The following RBPJ variants were observed in gnomAD, a reference collection of about 807,000 sequenced individuals.
RBPJ encodes recombining binding protein suppressor of hairless.
RBPJ carries 9 observed loss-of-function variants against 67.8 expected under a neutral mutation model. The observed-to-expected ratio is 0.13, with a 90% CI of 0.08 to 0.23. RBPJ has a LOEUF of 0.23. Ranked by LOEUF, RBPJ falls within the 10% of genes least tolerant of loss-of-function variation. RBPJ has a pLI of 1.00. For missense variants in RBPJ, 305 were observed against 595.6 expected (o/e 0.51, Z 5.08); for synonymous variants, 198 against 203.3 (o/e 0.97, Z 0.22).
intron 1 of RBPJ, among the ~76,000 whole-genome samples, chr4:26,250,276 G>C (rs201194335): frequency 6.7e-6 from 1 of 150,338 alleles, no homozygotes; most frequent in Admixed American, 6.6e-5. Flanking sequence ...ATTTCACTTA[G>C]CCTAATGTTT....
chr4:26,398,323 T>C (rs1039390419), intron 2 of RBPJ, among the ~76,000 whole-genome samples: 1 of 151,912 alleles, frequency 6.6e-6, no homozygotes, highest in Non-Finnish European at 1.5e-5. Context: ...ATCACAGAGG[T>C]GTGTAAGAGT....
rs79123753 is a variant in RBPJ, at chr4:26,325,048, G to A, written c.20+4000G>A. Among the ~76,000 whole-genome samples, 563 of 152,252 alleles carry A rather than the reference G, an allele frequency of 3.7e-3. 3 individuals carry two copies. The highest frequency in any genetic ancestry group is 0.013 in the African/African-American group (538 of 41,542). On this transcript the variant is annotated intron_variant, in intron 1 of 10. Transcript: ENST00000355476. ...CATTTGAGGAGCACTCTGTAGATAC[G>A]TATTGACTGAATGAAACCTGTTGCT...
At chr4:26,227,770 G>A (rs913593575) in intron 1 of RBPJ, among the ~76,000 whole-genome samples, 2 of 152,192 alleles carry the variant, frequency 1.3e-5, no homozygotes, top group African/African-American at 2.4e-5. Context: ...CTTGAGTCGC[G>A]GAGCGTCCGA....
chr4:26,178,966 G>A (rs1716889898), intron 1 of RBPJ, among the ~76,000 whole-genome samples: 1 of 152,098 alleles, frequency 6.6e-6, no homozygotes, highest in Non-Finnish European at 1.5e-5. Flanking sequence ...TCTTGTGGTT[G>A]GGCCTCACGT....
chr4:26,252,674 C>T (rs1442806507), intron 1 of RBPJ, among the ~76,000 whole-genome samples: 1 of 152,176 alleles, frequency 6.6e-6, no homozygotes, highest in East Asian at 1.9e-4. Flanking sequence ...GCATACGTTG[C>T]TCGAGTCTGG....
At chr4:26,212,388 A>G (rs1389801411) in intron 1 of RBPJ, among the ~76,000 whole-genome samples, 6 of 150,614 alleles carry the variant, frequency 4.0e-5, no homozygotes, top group African/African-American at 1.2e-4. Context: ...CTCAGAAAAC[A>G]GATTCTCCCT....
At chr4:26,110,406 C>G in the RBPJ span, among the ~76,000 whole-genome samples, 3 of 152,134 alleles carry the variant, frequency 2.0e-5, no homozygotes, top group Non-Finnish European at 2.9e-5. The surrounding 1 kb of genome is among the most constrained non-coding windows in gnomAD (Gnocchi z 4.5). Flanking sequence ...CTTTGGAAAA[C>G]CTCCTGCTGG....
chr4:26,333,329 C>G, intron 1 of RBPJ, among the ~76,000 whole-genome samples: 1 of 152,058 alleles, frequency 6.6e-6, no homozygotes. Flanking sequence ...ATTAAAGGTG[C>G]CAGGGAGCTA....
At position 26,430,068 on chromosome 4, in the gene RBPJ, T is replaced by A; in HGVS notation, c.1044+15T>A. ...AGAGCCTTCAGGTGAGAACGCCTAG[T>A]CCAAGTTGGCCTTCAGCTCTTTGCA... On this transcript the variant is annotated intron_variant, in intron 9 of 10. Transcript: ENST00000355476. The surrounding 1 kb of genome is among the most constrained non-coding windows in gnomAD (Gnocchi z 4.1). The A allele has an allele frequency of 6.2e-7, 1 of 1,613,900 alleles. No individual in the cohort carries two copies. Among genetic ancestry groups the A allele is most frequent in the South Asian group, 1.1e-5 (1 of 91,090 alleles).
chr4:26,287,891 T>C (rs1211885050), intron 1 of RBPJ, among the ~76,000 whole-genome samples: 1 of 152,274 alleles, frequency 6.6e-6, no homozygotes, highest in East Asian at 1.9e-4. Flanking sequence ...TTGTCATTTA[T>C]TTAAATGTCT....
chr4:26,258,412 T>C (rs1372443000), intron 1 of RBPJ, among the ~76,000 whole-genome samples: 1 of 152,224 alleles, frequency 6.6e-6, no homozygotes, highest in South Asian at 2.1e-4. Flanking sequence ...CGTGAATAGA[T>C]GTACTGGTGC....
intron 1 of RBPJ, among the ~76,000 whole-genome samples, chr4:26,200,001 G>A (rs1012158323): frequency 6.6e-6 from 1 of 152,118 alleles, no homozygotes. Flanking sequence ...GATGGAGGCC[G>A]GTGCCATCTT....
At chr4:26,223,662 G>A (rs1012768516) in intron 1 of RBPJ, among the ~76,000 whole-genome samples, 9 of 152,204 alleles carry the variant, frequency 5.9e-5, no homozygotes, top group African/African-American at 2.2e-4. Flanking sequence ...GCTCTCAGCT[G>A]AGGATTTAGG....
At chr4:26,179,003 G>T (rs1451637128) in intron 1 of RBPJ, among the ~76,000 whole-genome samples, 3 of 152,064 alleles carry the variant, frequency 2.0e-5, no homozygotes, top group Admixed American at 1.3e-4. Flanking sequence ...AGAAGCAGGG[G>T]AGCTTTCCAG....
chr4:26,135,166 A>G, the RBPJ span, among the ~76,000 whole-genome samples: 1 of 152,082 alleles, frequency 6.6e-6, no homozygotes, highest in South Asian at 2.1e-4. Flanking sequence ...AATGTGCCCC[A>G]CAGGGAGACT....
At chr4:26,151,839 G>A in the RBPJ span, among the ~76,000 whole-genome samples, 1 of 152,212 alleles carries the variant, frequency 6.6e-6, no homozygotes, top group Non-Finnish European at 1.5e-5. Context: ...TCGCAAATAA[G>A]TTTTTCCTCT....
At chr4:26,226,340 G>T (rs1345021324) in intron 1 of RBPJ, among the ~76,000 whole-genome samples, 1 of 152,010 alleles carries the variant, frequency 6.6e-6, no homozygotes, top group African/African-American at 2.4e-5. Context: ...CAGGTATGGT[G>T]CTTCCCACAT....
chr4:26,420,520 C>T (rs1560341886), intron 4 of RBPJ, 31 bp from the exon 5 acceptor site: 1 of 1,516,912 alleles, frequency 6.6e-7, no homozygotes, highest in South Asian at 1.3e-5. Context: ...CAAGGTTTTG[C>T]TGCTGTTAAA....
chr4:26,109,775 T>TA, the RBPJ span, among the ~76,000 whole-genome samples: 9 of 147,388 alleles, frequency 6.1e-5, no homozygotes, highest in East Asian at 9.8e-4. Context: ...TTGACATTAT[T>TA]AAAAAAAACG....
Sources: gnomAD v4.1 joint callset for allele counts (sites outside exome capture counted in the v4.1 genomes callset) on GRCh38, gnomAD v4.1.1 for gene constraint, Gnocchi (gnomAD v3.1) non-coding constraint, MANE v1.5 for transcripts, NCBI Gene and HGNC (gene_info 2026-07-23, HGNC 2026-07-21) for gene names.